The following SYNPR variants were observed in gnomAD, a reference collection of about 807,000 sequenced individuals.
The protein encoded by SYNPR is synaptoporin.
A neutral mutation model predicts 32.9 loss-of-function variants in SYNPR; 23 were observed. That is an observed-to-expected ratio of 0.70 (90% CI 0.50 to 0.99). The LOEUF is 0.99. SYNPR is among the 50% of genes least tolerant of loss of function. The pLI is 0.00. For missense variants in SYNPR, 318 were observed against 349.3 expected (o/e 0.91, Z 0.71); for synonymous variants, 146 against 135.9 (o/e 1.07, Z -0.52).
At chr3:63,471,845 T>C (rs1464327256) in intron 2 of SYNPR, among the ~76,000 whole-genome samples, 1 of 152,076 alleles carries the variant, frequency 6.6e-6, no homozygotes, top group Non-Finnish European at 1.5e-5. Flanking sequence ...CTTTAACCTA[T>C]GAGCTGTTGA....
intron 4 of SYNPR, among the ~76,000 whole-genome samples, chr3:63,583,920 G>T (rs764145883): frequency 3.9e-5 from 6 of 152,072 alleles, no homozygotes; most frequent in Non-Finnish European, 7.4e-5. Flanking sequence ...GAGGAAGAAT[G>T]AATTTTCCAT....
chr3:63,227,068 G>A (rs938324408), upstream of SYNPR, among the ~76,000 whole-genome samples: 1 of 152,214 alleles, frequency 6.6e-6, no homozygotes. Flanking sequence ...AAAGAGAACA[G>A]TTGAACTATA....
chr3:63,317,505 A>C (rs1024616280), intron 2 of SYNPR, among the ~76,000 whole-genome samples: 1 of 151,672 alleles, frequency 6.6e-6, no homozygotes, highest in African/African-American at 2.4e-5. Context: ...GTTTATTTTA[A>C]CTGCTGTTTC....
At chr3:63,320,309 T>C (rs1398451974) in intron 2 of SYNPR, among the ~76,000 whole-genome samples, 2 of 152,012 alleles carry the variant, frequency 1.3e-5, no homozygotes, top group African/African-American at 4.8e-5. Context: ...GATGCATCAA[T>C]GGGAAGTCAG....
intron 3 of SYNPR, among the ~76,000 whole-genome samples, chr3:63,485,699 TC>T (rs758228104): frequency 6.6e-6 from 1 of 152,216 alleles, no homozygotes; most frequent in East Asian, 1.9e-4. Flanking sequence ...GAGAAGGTGC[TC>T]ACCTCTTGTT....
chr3:63,480,774 T>C, intron 2 of SYNPR, 58 bp from the exon 3 acceptor site: 2 of 1,583,440 alleles, frequency 1.3e-6, no homozygotes, highest in Non-Finnish European at 1.7e-6. Context: ...TTGATATATC[T>C]CATTAGAGCA....
chr3:63,221,316 G>A, the SYNPR span, among the ~76,000 whole-genome samples: 1 of 152,082 alleles, frequency 6.6e-6, no homozygotes, highest in African/African-American at 2.4e-5. Flanking sequence ...ATTTCATCTA[G>A]AGAGAGAAGA....
At chr3:63,478,600 A>G (rs115428536) in intron 2 of SYNPR, among the ~76,000 whole-genome samples, 1,665 of 152,298 alleles carry the variant, frequency 0.011, 33 homozygotes, top group African/African-American at 0.038. Flanking sequence ...ACAATTGCCT[A>G]TCACACACTT....
At chr3:63,502,655 C>T (rs764598377) in intron 3 of SYNPR, among the ~76,000 whole-genome samples, 5 of 152,164 alleles carry the variant, frequency 3.3e-5, no homozygotes, top group Non-Finnish European at 7.4e-5. Context: ...CAGTATGTAG[C>T]TCTTTCAGAT....
intron 5 of SYNPR, 140 bp from the exon 6 acceptor site, chr3:63,615,084 T>C (rs994122425): frequency 1.9e-6 from 2 of 1,034,126 alleles, no homozygotes; most frequent in African/African-American, 3.2e-5. Context: ...GAAATACCGG[T>C]TCCAAATGGA....
intron 3 of SYNPR, among the ~76,000 whole-genome samples, chr3:63,511,304 G>A (rs1194728036): frequency 6.6e-6 from 1 of 152,082 alleles, no homozygotes; most frequent in East Asian, 1.9e-4. Context: ...GTAAGAAAGA[G>A]GAGGAGTTCA....
intron 2 of SYNPR, among the ~76,000 whole-genome samples, chr3:63,469,722 T>A (rs1228145873): frequency 6.6e-6 from 1 of 152,238 alleles, no homozygotes; most frequent in Non-Finnish European, 1.5e-5. Context: ...TGCTATACTT[T>A]AGCCATATGT....
chr3:63,607,079 C>G (rs773930311), intron 4 of SYNPR, among the ~76,000 whole-genome samples: 1 of 152,136 alleles, frequency 6.6e-6, no homozygotes. Context: ...TTAAGTGTTT[C>G]CCCATTCTAT....
intron 2 of SYNPR, among the ~76,000 whole-genome samples, chr3:63,314,904 T>G (rs1281271929): frequency 1.3e-5 from 2 of 152,172 alleles, no homozygotes; most frequent in African/African-American, 4.8e-5. Flanking sequence ...TTGAGTTGAT[T>G]TTTTTATACA....
chr3:63,609,892 A>G (rs1321907313), intron 5 of SYNPR, among the ~76,000 whole-genome samples: 1 of 152,198 alleles, frequency 6.6e-6, no homozygotes, highest in Non-Finnish European at 1.5e-5. Context: ...CCTGAGCAAC[A>G]GAGTGAGACT....
chr3:63,345,017 A>G (rs1354630868), intron 2 of SYNPR, among the ~76,000 whole-genome samples: 3 of 152,224 alleles, frequency 2.0e-5, no homozygotes, highest in African/African-American at 7.2e-5. Context: ...AGTATCTCAA[A>G]TACTAGTCTT....
chr3:63,528,773 C>T (rs1015347581), intron 3 of SYNPR, among the ~76,000 whole-genome samples: 2 of 152,122 alleles, frequency 1.3e-5, no homozygotes, highest in Non-Finnish European at 2.9e-5. Flanking sequence ...TCTTCCTCAT[C>T]CCATTTTGAC....
intron 3 of SYNPR, among the ~76,000 whole-genome samples, chr3:63,524,868 T>TGAGA (rs1265133121): frequency 6.7e-6 from 1 of 149,636 alleles, no homozygotes; most frequent in African/African-American, 2.5e-5. Flanking sequence ...TGTGTGTGTG[T>TGAGA]GTGAGAGAGA....
intron 2 of SYNPR, among the ~76,000 whole-genome samples, chr3:63,371,638 GAT>G (rs1156502511): frequency 1.8e-4 from 27 of 152,184 alleles, no homozygotes; most frequent in African/African-American, 6.5e-4. Context: ...ATTTGAGACT[GAT>G]ACAGCTCCCC....
Sources: gnomAD v4.1 joint callset for allele counts (sites outside exome capture counted in the v4.1 genomes callset) on GRCh38, gnomAD v4.1.1 for gene constraint, MANE v1.5 for transcripts, NCBI Gene and HGNC (gene_info 2026-07-23, HGNC 2026-07-21) for gene names.